ADD3: variants seen among roughly 807,000 people sequenced by gnomAD.
ADD3 encodes the protein gamma-adducin.
A neutral mutation model predicts 80.2 loss-of-function variants in ADD3; 25 were observed. The observed-to-expected ratio is 0.31, with a 90% CI of 0.23 to 0.44. ADD3 has a LOEUF of 0.44. ADD3 is among the 20% of genes least tolerant of loss of function. The pLI is 1.00. For missense variants in ADD3, 829 were observed against 847.5 expected (o/e 0.98, Z 0.27); for synonymous variants, 284 against 289.6 (o/e 0.98, Z 0.20).
chr10:110,008,444 C>T (rs1433771042), intron 1 of ADD3, 145 bp downstream of exon 1: 1 of 152,874 alleles, frequency 6.5e-6, no homozygotes, highest in Non-Finnish European at 1.5e-5. Context: ...AAGGGGACTT[C>T]TCATTGGCTG....
At position 110,133,551 on chromosome 10, in the gene ADD3, A is replaced by T. The variant is rs1357611383; in HGVS notation, c.2054A>T (p.Lys685Ile). 1 of 1,611,814 alleles carries T rather than the reference A, an allele frequency of 6.2e-7. No homozygotes were observed. Among genetic ancestry groups the T allele is most frequent in the Non-Finnish European group, 8.5e-7 (1 of 1,179,250 alleles). ...TCCCCTTCAAAATCGCCATCCAAGA[A>T]AAAGAAGAAATTCCGCACTCCTTCT... ...EGSPSKSPSK[K>I]KKKFRTPSFL... Residue 685 changes from lysine (K) to isoleucine (I), a missense_variant, in exon 15 of 15, where the codon AAA becomes ATA. Coordinates refer to ENST00000356080, the MANE Select transcript of ADD3 (RefSeq NM_016824.5).
At chr10:110,029,958 T>C (rs1171475933) in intron 1 of ADD3, among the ~76,000 whole-genome samples, 2 of 152,190 alleles carry the variant, frequency 1.3e-5, no homozygotes, top group African/African-American at 4.8e-5. Flanking sequence ...AGGAGTCTTA[T>C]TTATTAAAAG....
chr10:110,098,446 T>G (rs539087656), intron 1 of ADD3, among the ~76,000 whole-genome samples: 88 of 152,346 alleles, frequency 5.8e-4, no homozygotes, highest in Non-Finnish European at 8.7e-4. Flanking sequence ...CTCAGAGAGC[T>G]TGAAAATGTT....
At chr10:110,097,047 T>A (rs982009199) in intron 1 of ADD3, among the ~76,000 whole-genome samples, 1 of 152,198 alleles carries the variant, frequency 6.6e-6, no homozygotes, top group Non-Finnish European at 1.5e-5. Context: ...ACACTTTGGG[T>A]TAATTTGATA....
rs1057355834 is a variant in ADD3, at chr10:110,133,452, G to A, written c.1955G>A (p.Ser652Asn). Residue 652 changes from serine (S) to asparagine (N), a missense_variant, in exon 15 of 15, where the codon AGT (serine) becomes AAT (asparagine). Physicochemically the swap from Ser to Asn is conservative, Grantham distance 46. Transcript: ENST00000356080. Reference protein sequence around the residue: ...LAKRVSRLSTSTTIENIEITI... With the variant: ...LAKRVSRLSTNTTIENIEITI... ...AAGCGAGTGAGTAGGTTAAGCACAAGTACAACCATAGAAAACATCGAGATT... is the reference window on the plus strand; with the variant it reads ...AAGCGAGTGAGTAGGTTAAGCACAAATACAACCATAGAAAACATCGAGATT... 3 of 1,613,740 alleles carry A rather than the reference G, an allele frequency of 1.9e-6. No individual in the cohort carries two copies. The highest frequency in any genetic ancestry group is 2.5e-6 in the Non-Finnish European group (3 of 1,179,870).
At chr10:110,067,757 T>C (rs915527437) in intron 1 of ADD3, among the ~76,000 whole-genome samples, 3 of 152,206 alleles carry the variant, frequency 2.0e-5, no homozygotes, top group Admixed American at 6.5e-5. Context: ...AGTAATGTTC[T>C]GGGTTTACAT....
chr10:110,025,212 G>T (rs377602482), intron 1 of ADD3, among the ~76,000 whole-genome samples: 2 of 152,096 alleles, frequency 1.3e-5, no homozygotes, highest in South Asian at 2.1e-4. Context: ...TTATTAAAAC[G>T]TTTCCTTTCC....
intron 1 of ADD3, among the ~76,000 whole-genome samples, chr10:110,050,976 C>A (rs887918345): frequency 6.6e-6 from 1 of 152,162 alleles, no homozygotes; most frequent in Non-Finnish European, 1.5e-5. Flanking sequence ...TTGCCAGTAT[C>A]AAAATTAATA....
intron 14 of ADD3, 76 bp from the exon 15 acceptor site, chr10:110,133,250 A>T: frequency 7.0e-7 from 1 of 1,430,980 alleles, no homozygotes; most frequent in South Asian, 1.5e-5. Flanking sequence ...CATTGCTAAA[A>T]CATTTCAGTT....
At chr10:110,047,498 C>CT (rs1414201272) in intron 1 of ADD3, among the ~76,000 whole-genome samples, 1 of 152,164 alleles carries the variant, frequency 6.6e-6, no homozygotes, top group African/African-American at 2.4e-5. Context: ...CATTCCACGT[C>CT]TTCTAAATCA....
At chr10:110,112,657 T>A (rs1850196851) in intron 2 of ADD3, 120 bp from the exon 3 acceptor site, 1 of 1,177,694 alleles carries the variant, frequency 8.5e-7, no homozygotes, top group Non-Finnish European at 1.2e-6. Flanking sequence ...TATTTGTTTT[T>A]AAATAGTACA....
At chr10:110,074,268 C>A (rs77064248) in intron 1 of ADD3, among the ~76,000 whole-genome samples, 1,538 of 152,286 alleles carry the variant, frequency 0.01, 17 homozygotes, top group African/African-American at 0.035. Flanking sequence ...GGATTCATAG[C>A]ACTTTAGTTG....
chr10:110,116,689 T>C (rs1247615930), intron 4 of ADD3, among the ~76,000 whole-genome samples: 1 of 152,210 alleles, frequency 6.6e-6, no homozygotes, highest in Non-Finnish European at 1.5e-5. Flanking sequence ...AAATTGTCCC[T>C]CTCCATGATA....
chr10:110,132,257 T>G (rs1188686521), intron 13 of ADD3, 48 bp from the exon 14 acceptor site: 1 of 1,360,988 alleles, frequency 7.3e-7, no homozygotes, highest in East Asian at 2.3e-5. Context: ...AATCATATGC[T>G]GCTTTGTTTT....
intron 1 of ADD3, among the ~76,000 whole-genome samples, chr10:110,009,231 T>G (rs1336356038): frequency 6.6e-6 from 1 of 152,114 alleles, no homozygotes; most frequent in Non-Finnish European, 1.5e-5. Context: ...ATATGCAAGT[T>G]TGGGGAAGGA....
intron 1 of ADD3, among the ~76,000 whole-genome samples, chr10:110,014,222 A>C (rs1295722946): frequency 6.6e-6 from 1 of 152,254 alleles, no homozygotes; most frequent in African/African-American, 2.4e-5. Flanking sequence ...AGCAACTGTT[A>C]GCTGCATCGT....
intron 1 of ADD3, among the ~76,000 whole-genome samples, chr10:110,018,443 G>A (rs1210643679): frequency 4.0e-5 from 6 of 148,230 alleles, no homozygotes; most frequent in African/African-American, 2.5e-5. Context: ...TAGGGGAATC[G>A]CTTGAACCTG....
chr10:110,078,712 T>C (rs1428415804), intron 1 of ADD3, among the ~76,000 whole-genome samples: 1 of 152,208 alleles, frequency 6.6e-6, no homozygotes, highest in Non-Finnish European at 1.5e-5. Flanking sequence ...CGAACCACTT[T>C]ACATCTCTGA....
chr10:110,015,740 C>T (rs561508029), intron 1 of ADD3, among the ~76,000 whole-genome samples: 2 of 152,168 alleles, frequency 1.3e-5, no homozygotes, highest in East Asian at 3.9e-4. Context: ...GAAAGTAATA[C>T]ATTTTTACTT....
Sources: gnomAD v4.1 joint callset for allele counts (sites outside exome capture counted in the v4.1 genomes callset) on GRCh38, gnomAD v4.1.1 for gene constraint, MANE v1.5 for transcripts, NCBI Gene and HGNC (gene_info 2026-07-23, HGNC 2026-07-21) for gene names.